The following CDON variants were observed in gnomAD, a reference collection of about 807,000 sequenced individuals.
The protein encoded by CDON is cell adhesion molecule-related/down-regulated by oncogenes.
A neutral mutation model predicts 120.9 loss-of-function variants in CDON; 73 were observed. The observed-to-expected ratio is 0.60, with a 90% CI of 0.50 to 0.73. CDON has a LOEUF of 0.73. Ranked by LOEUF, CDON falls within the 30% of genes least tolerant of loss-of-function variation. The probability of loss-of-function intolerance (pLI) is 0.00; values close to 1 mark genes in which losing one functional copy is unlikely to be tolerated. For missense variants in CDON, 1,470 were observed against 1,587.3 expected, an observed-to-expected ratio of 0.93 and a Z score of 1.26; for synonymous variants, 566 against 573.5, an observed-to-expected ratio of 0.99 and a Z score of 0.19.
intron 10 of CDON, among the ~76,000 whole-genome samples, 176 bp downstream of exon 10, chr11:126,003,726 C>T (rs565239823): frequency 6.6e-6 from 1 of 152,006 alleles, no homozygotes; most frequent in Non-Finnish European, 1.5e-5. Flanking sequence ...AGGCTGAGGC[C>T]GGAGAACTGC....
chr11:126,013,067 T>A (rs1282232740), intron 7 of CDON, among the ~76,000 whole-genome samples: 1 of 152,258 alleles, frequency 6.6e-6, no homozygotes, highest in African/African-American at 2.4e-5. Context: ...GTGTCTAACA[T>A]GGATACTTAA....
chr11:125,961,767 G>A lies in CDON; in HGVS notation c.3588C>T (p.Asp1196=), dbSNP rs140895899. 1,594 of 1,614,040 alleles carry A rather than the reference G, an allele frequency of 9.9e-4. 21 individuals are homozygous for A. The African/African-American group carries it at 0.018, about 18-fold the overall frequency. The change falls in exon 19 of 20, where the codon GAC becomes GAT. Residue 1196 remains aspartate (D), a synonymous_variant. Transcript: ENST00000531738. ...GATCTTCTGAGCCATCAGAGCTGAC[G>A]TCATTTACAATGTCCTGACAGCAGG... ...QRTCCQDIVN[D]VSSDGSEDPA...
At position 126,055,990 on chromosome 11, in the gene CDON, A is replaced by G. The variant is rs1423717761; in HGVS notation, c.-62+6589T>C. Among the ~76,000 whole-genome samples, 4 of 152,288 alleles carry G rather than the reference A, an allele frequency of 2.6e-5. No homozygotes were observed. The East Asian group carries it at 7.7e-4, about 29-fold the overall frequency. On this transcript the variant is annotated intron_variant, in intron 1 of 19. Coordinates refer to ENST00000531738, the MANE Select transcript of CDON (RefSeq NM_001378964.1). ...AATGGCTGTTGGTAACTTTTAACAT[A>G]TTTCCTACCTCCAAAATCATGTACG...
At chr11:125,972,162 G>A (rs757767818) in intron 18 of CDON, among the ~76,000 whole-genome samples, 56 of 152,216 alleles carry the variant, frequency 3.7e-4, no homozygotes, top group Non-Finnish European at 6.0e-4. Context: ...GCGGTAGCTC[G>A]CGCCTGTAAT....
intron 16 of CDON, among the ~76,000 whole-genome samples, chr11:125,981,963 C>CTTTTTTTGTTTTTTTTTTTTTTTTTTT (rs1565501813): frequency 2.9e-5 from 1 of 34,136 alleles, no homozygotes; most frequent in Admixed American, 3.6e-4. Context: ...AAAAGTGATT[C>CTTTTTTTGTTTTTTTTTTTTTTTTTTT]TATTTTCTTT....
At chr11:126,060,801 T>C (rs1413411838) in intron 1 of CDON, among the ~76,000 whole-genome samples, 1 of 152,240 alleles carries the variant, frequency 6.6e-6, no homozygotes, top group East Asian at 1.9e-4. Context: ...GAAAGTCCTA[T>C]CTTAAAGTGA....
chr11:125,972,829 T>C (rs1946040213), intron 18 of CDON, among the ~76,000 whole-genome samples: 1 of 151,968 alleles, frequency 6.6e-6, no homozygotes, highest in Admixed American at 6.6e-5. Context: ...CAGTTCTCAG[T>C]ATCTGTGGAA....
At chr11:125,962,023 C>G in intron 18 of CDON, 25 bp from the exon 19 acceptor site, 1 of 1,574,964 alleles carries the variant, frequency 6.3e-7, no homozygotes, top group South Asian at 1.1e-5. Flanking sequence ...CCAAAAGAAA[C>G]AGAATTGTGT....
intron 11 of CDON, 114 bp from the exon 12 acceptor site, chr11:125,997,524 T>G: frequency 1.2e-6 from 1 of 821,932 alleles, no homozygotes; most frequent in African/African-American, 1.7e-5. Context: ...TTCACCAAAC[T>G]TTTTGCCAGA....
intron 1 of CDON, among the ~76,000 whole-genome samples, chr11:126,042,114 C>T (rs573350995): frequency 1.3e-5 from 2 of 152,278 alleles, no homozygotes; most frequent in East Asian, 3.9e-4. Flanking sequence ...GAACTCCCGA[C>T]CTTAGGTGAT....
At chr11:125,967,159 A>G (rs12225161) in intron 18 of CDON, among the ~76,000 whole-genome samples, 38,767 of 152,172 alleles carry the variant, frequency 0.25, 5,477 homozygotes, top group South Asian at 0.32. Context: ...GAATACAAAC[A>G]TATGAAGAAA....
intron 15 of CDON, among the ~76,000 whole-genome samples, chr11:125,988,478 C>A (rs1320948042): frequency 2.0e-5 from 3 of 152,112 alleles, no homozygotes; most frequent in Non-Finnish European, 2.9e-5. Flanking sequence ...CAGGCTCAAG[C>A]GATTCTCCTG....
intron 1 of CDON, among the ~76,000 whole-genome samples, chr11:126,042,515 A>G (rs551523566): frequency 1.2e-4 from 19 of 152,356 alleles, no homozygotes; most frequent in Middle Eastern, 3.4e-3. Flanking sequence ...TATGCATCCT[A>G]TTGAACAAGT....
intron 1 of CDON, among the ~76,000 whole-genome samples, chr11:126,033,762 T>G (rs1253550372): frequency 6.6e-6 from 1 of 152,136 alleles, no homozygotes; most frequent in African/African-American, 2.4e-5. Flanking sequence ...TCTTCCATGA[T>G]TCTACAGGAG....
chr11:125,995,024 G>A lies in CDON; in HGVS notation c.2391C>T (p.Ala797=), dbSNP rs762637993. 16 of 1,613,958 alleles carry A rather than the reference G, an allele frequency of 9.9e-6. No homozygotes were observed. The highest frequency in any genetic ancestry group is 2.7e-5 in the African/African-American group (2 of 74,914). Residue 797 remains alanine, a synonymous_variant, in exon 13 of 20, where the codon GCC becomes GCT. Coordinates refer to ENST00000531738, the MANE Select transcript of CDON (RefSeq NM_001378964.1). ...GAAAACTCTCACCATAATGGTTGAT[G>A]GCAATGACCCTAAATTTGTATGTTG... is the stretch of plus-strand genomic sequence containing the variant. ...PGSTYKFRVI[A]INHYGESFRS... is the part of the protein sequence containing the mutation.
chr11:125,973,013 T>C (rs34131193), intron 18 of CDON, among the ~76,000 whole-genome samples: 27 of 130,512 alleles, frequency 2.1e-4, no homozygotes, highest in African/African-American at 7.1e-4. Flanking sequence ...AACCAATTAC[T>C]TGGTCTTTTT....
Position 126,023,415 on chromosome 11 carries a change from G to A in CDON, c.62C>T (p.Ser21Phe), listed in dbSNP as rs1947693908. ...LLYVTLTILC[S>F]SVSSDLAPYF... ...TCTACTCTTACCTGAACTCACAGAA[G>A]AGCACAGAATTGTAAGAGTAACATA... The change falls in exon 2 of 20, where the codon TCT becomes TTT. Residue 21 changes from serine (S) to phenylalanine (F), a missense_variant. Ser to Phe is a radical substitution (Grantham distance 155, BLOSUM62 -2). Transcript: ENST00000531738. 1 of 1,609,752 alleles carries A rather than the reference G, an allele frequency of 6.2e-7. No homozygotes were observed.
chr11:125,976,626 C>CACACAA (rs1946158576), intron 18 of CDON, among the ~76,000 whole-genome samples: 1 of 57,310 alleles, frequency 1.7e-5, no homozygotes, highest in Non-Finnish European at 3.6e-5. Flanking sequence ...CAAACACACA[C>CACACAA]ACACACACAC....
intron 1 of CDON, among the ~76,000 whole-genome samples, chr11:126,045,036 TAGAG>T (rs10588225): frequency 7.0e-6 from 1 of 142,818 alleles, no homozygotes; most frequent in African/African-American, 2.6e-5. Context: ...AATATATATA[TAGAG>T]AGAGAGACGG....
Sources: gnomAD v4.1 joint callset for allele counts (sites outside exome capture counted in the v4.1 genomes callset) on GRCh38, gnomAD v4.1.1 for gene constraint, MANE v1.5 for transcripts, NCBI Gene and HGNC (gene_info 2026-07-23, HGNC 2026-07-21) for gene names.